Variants in USP34 observed in about 807,000 individuals in gnomAD.
USP34 encodes ubiquitin carboxyl-terminal hydrolase 34.
In USP34, 70 loss-of-function variants were observed where a neutral mutation model predicts 460.3. The ratio of observed to expected loss-of-function variants is 0.15; its 90% CI spans 0.13 to 0.19. The LOEUF (loss-of-function observed/expected upper bound fraction) is 0.19. Ranked by LOEUF, USP34 falls within the 10% of genes least tolerant of loss-of-function variation. USP34 has a pLI of 1.00. For synonymous variants in USP34, 1,647 were observed against 1,405.3 expected (o/e 1.17, Z -3.85); for missense variants, 3,985 against 4,236.2 (o/e 0.94, Z 1.65).
At chr2:61,453,161 A>G (rs372575305) in intron 1 of USP34, among the ~76,000 whole-genome samples, 38 of 152,266 alleles carry the variant, frequency 2.5e-4, no homozygotes, top group Middle Eastern at 6.8e-3. Flanking sequence ...CTATAATCCC[A>G]GCACTTAGGG....
At chr2:61,199,359 G>A (rs1686902514) in intron 75 of USP34, among the ~76,000 whole-genome samples, 1 of 151,964 alleles carries the variant, frequency 6.6e-6, no homozygotes, top group Non-Finnish European at 1.5e-5. Flanking sequence ...AGGCTCAAGC[G>A]ATTCTCCTGC....
chr2:61,234,395 T>A (rs930392140), intron 57 of USP34, among the ~76,000 whole-genome samples: 1 of 152,214 alleles, frequency 6.6e-6, no homozygotes, highest in African/African-American at 2.4e-5. Context: ...GTCATTACCT[T>A]TGAGTGGGTT....
In USP34 at chr2:61,188,379, C is replaced by A. The variant is rs376246838; in HGVS notation, c.10364G>T (p.Cys3455Phe). Residue 3455 changes from cysteine (C) to phenylalanine (F), a missense_variant, in exon 80 of 80, where the codon TGT (cysteine) becomes TTT (phenylalanine). Cys to Phe is a radical substitution (Grantham distance 205). Around this residue, in one of 14 missense-constraint regions of USP34, gnomAD observed 506 missense variants for 439.0 expected, o/e 1.15. Transcript: ENST00000398571. ...CTCAGCTAGGGTAGAATCCTTGGAA[C>A]AGTGGAGGTCTTTAAATTCTTTACA... The part of the protein sequence containing the change: ...DDCKEFKDLH[C>F]SKDSTLAEEE... 1.2e-5 allele frequency: 19 copies of A among 1,613,918 alleles called. No homozygotes were observed. Among genetic ancestry groups the A allele is most frequent in the Non-Finnish European group, 1.7e-6 (2 of 1,180,042 alleles).
intron 33 of USP34, among the ~76,000 whole-genome samples, chr2:61,289,159 T>C (rs1446960717): frequency 2.6e-5 from 4 of 152,084 alleles, no homozygotes; most frequent in African/African-American, 9.7e-5. Flanking sequence ...ATATATGTAA[T>C]AGCTATGAGA....
chr2:61,391,232 G>A (rs138440301), intron 5 of USP34, among the ~76,000 whole-genome samples: 2,112 of 152,246 alleles, frequency 0.014, 21 homozygotes, highest in Non-Finnish European at 0.018. Flanking sequence ...GATCATTTGA[G>A]CCCAGGAGTT....
At chr2:61,447,934 T>C (rs1238190917) in intron 1 of USP34, among the ~76,000 whole-genome samples, 1 of 152,222 alleles carries the variant, frequency 6.6e-6, no homozygotes, top group East Asian at 1.9e-4. Flanking sequence ...CAGGCTGTTC[T>C]TGAACTCCTG....
intron 29 of USP34, 68 bp downstream of exon 29, chr2:61,300,883 T>TA (rs1437314550): frequency 3.8e-6 from 4 of 1,063,082 alleles, no homozygotes; most frequent in Non-Finnish European, 5.4e-6. Context: ...AACTATACTT[T>TA]TATTAAAGTT....
chr2:61,317,493 C>T (rs986228465), intron 23 of USP34, among the ~76,000 whole-genome samples, 161 bp downstream of exon 23: 2 of 152,202 alleles, frequency 1.3e-5, no homozygotes, highest in Non-Finnish European at 2.9e-5. Flanking sequence ...CACCACTGCA[C>T]TACAGCCTGA....
At chr2:61,395,484 T>C (rs935057431) in intron 3 of USP34, among the ~76,000 whole-genome samples, 2 of 152,194 alleles carry the variant, frequency 1.3e-5, no homozygotes, top group African/African-American at 4.8e-5. Context: ...CATTAAGTAA[T>C]CTTGCCTTAA....
In USP34 at chr2:61,279,110, T is replaced by A. The variant is rs1312307912; in HGVS notation, c.5257-667A>T. 5.9e-5 allele frequency among the ~76,000 whole-genome samples: 9 copies of A among 151,808 alleles called. No homozygotes were observed. In the East Asian group the frequency reaches 1.5e-3, roughly 26 times the overall value. On this transcript the variant is annotated intron_variant, in intron 39 of 79. Transcript: ENST00000398571. ...GCAAGCCCAGGTTGTTTTTTTTTTTTAAAGTACAATGTTTATTTGGCATCA... is the reference window on the plus strand; with the variant it reads ...GCAAGCCCAGGTTGTTTTTTTTTTTAAAAGTACAATGTTTATTTGGCATCA...
At chr2:61,367,271 G>A (rs1397946552) in intron 10 of USP34, among the ~76,000 whole-genome samples, 2 of 152,166 alleles carry the variant, frequency 1.3e-5, no homozygotes, top group Admixed American at 6.5e-5. Flanking sequence ...TGTCTTATAA[G>A]GCAATAATTT....
At chr2:61,398,181 C>T (rs942120951) in intron 3 of USP34, among the ~76,000 whole-genome samples, 4 of 152,068 alleles carry the variant, frequency 2.6e-5, no homozygotes, top group South Asian at 2.1e-4. Context: ...CTCGTACTCA[C>T]GGGCGAGACC....
At chr2:61,326,948 T>C (rs547124081) in intron 20 of USP34, among the ~76,000 whole-genome samples, 13 of 151,942 alleles carry the variant, frequency 8.6e-5, no homozygotes, top group African/African-American at 3.1e-4. Flanking sequence ...CACACCCAGC[T>C]GATTTTTTTT....
intron 10 of USP34, 116 bp downstream of exon 10, chr2:61,370,205 T>TCCGA: frequency 2.0e-6 from 2 of 1,002,662 alleles, no homozygotes; most frequent in Non-Finnish European, 3.0e-6. Flanking sequence ...AGTCCCAGCT[T>TCCGA]GTCCATGTCT....
In USP34 at chr2:61,440,989, G is replaced by A. The variant is rs565167428; in HGVS notation, c.44-20156C>T. On this transcript the variant is annotated intron_variant, in intron 1 of 79. Transcript: ENST00000398571. Reference sequence around the variant, plus strand: ...AAAAATACAAAAAAATTAGCTGGGCGTGATGGCAGGTGCCTGTAGTCCCAG... The same window carrying A: ...AAAAATACAAAAAAATTAGCTGGGCATGATGGCAGGTGCCTGTAGTCCCAG... Among the ~76,000 whole-genome samples, 573 of 151,872 alleles carry A rather than the reference G, an allele frequency of 3.8e-3. 2 individuals are homozygous for A. The highest frequency in any genetic ancestry group is 8.1e-3 in the African/African-American group (336 of 41,462).
chr2:61,465,865 T>C (rs776061050), intron 1 of USP34, among the ~76,000 whole-genome samples: 8 of 150,668 alleles, frequency 5.3e-5, no homozygotes, highest in Non-Finnish European at 1.2e-4. Context: ...TAGTTCCAGC[T>C]CCTCGGGAAG....
chr2:61,446,749 T>C (rs1287590858), intron 1 of USP34, among the ~76,000 whole-genome samples: 2 of 148,904 alleles, frequency 1.3e-5, no homozygotes, highest in Non-Finnish European at 3.0e-5. Flanking sequence ...TGAGCCGAGA[T>C]CGTGCCACTA....
chr2:61,226,471 T>A (rs1687733833), intron 62 of USP34, among the ~76,000 whole-genome samples: 1 of 152,166 alleles, frequency 6.6e-6, no homozygotes, highest in African/African-American at 2.4e-5. Flanking sequence ...ACACTCTCTC[T>A]CTCTGTCATC....
At chr2:61,465,207 G>A (rs1307631615) in intron 1 of USP34, among the ~76,000 whole-genome samples, 1 of 152,016 alleles carries the variant, frequency 6.6e-6, no homozygotes, top group African/African-American at 2.4e-5. Context: ...GGGTGTGGTG[G>A]GGCAAGGGTA....
Sources: gnomAD v4.1 joint callset for allele counts (sites outside exome capture counted in the v4.1 genomes callset) on GRCh38, gnomAD v4.1.1 for gene constraint, gnomAD v4.1.1 regional missense constraint, MANE v1.5 for transcripts, NCBI Gene and HGNC (gene_info 2026-07-23, HGNC 2026-07-21) for gene names.